Variants in NSL1 observed in about 807,000 individuals in gnomAD.
The protein encoded by NSL1 is kinetochore-associated protein NSL1 homolog.
Under a neutral mutation model 25.4 loss-of-function variants are expected in NSL1, and 11 were observed. That is an observed-to-expected ratio of 0.43 (90% CI 0.27 to 0.72). NSL1 has a LOEUF of 0.72. NSL1 is among the 30% of genes least tolerant of loss of function. NSL1 has a pLI of 0.19. For missense variants in NSL1, 330 were observed against 342.7 expected (o/e 0.96, Z 0.29); for synonymous variants, 118 against 120.6 (o/e 0.98, Z 0.14).
Position 212,727,266 on chromosome 1 carries a change from CAG to C in NSL1, c.*11140_*11141del. 2.2e-6 allele frequency: 3 copies of C among 1,368,972 alleles called. No individual in the cohort carries two copies. The South Asian group carries it at 5.5e-5, about 25-fold the overall frequency. The allele number at this position is 1,368,972 out of a possible 1,614,324, so 84.8% of individuals were successfully genotyped here. A position where few individuals can be genotyped will look rare whatever the true frequency, so the allele number is the denominator to read the frequency against. ...GGCTTTCAAGACTTGCCTTGAGACT[CAG>C]AGCTGTTTCACAACCCTTTGTTCCA... is the stretch of plus-strand genomic sequence containing the variant. On this transcript the variant is annotated 3_prime_UTR_variant, in exon 6 of 6. Transcript: ENST00000366977.
intron 4 of NSL1, among the ~76,000 whole-genome samples, chr1:212,775,472 A>C (rs1274282318): frequency 6.6e-6 from 1 of 152,190 alleles, no homozygotes; most frequent in Non-Finnish European, 1.5e-5. Context: ...AGTATAATGA[A>C]TGAGAGTAAA....
At position 212,736,761 on chromosome 1, in the gene NSL1, T is replaced by C. The variant is rs1258129682; in HGVS notation, c.*1647A>G. 2.0e-6 allele frequency: 2 copies of C among 984,660 alleles called. No homozygotes were observed. Among genetic ancestry groups the C allele is most frequent in the Non-Finnish European group, 2.4e-6 (2 of 829,230 alleles). The allele number at this position is 984,660 out of a possible 1,614,324, so 61.0% of individuals were successfully genotyped here. A position where few individuals can be genotyped will look rare whatever the true frequency, so the allele number is the denominator to read the frequency against. On this transcript the variant is annotated 3_prime_UTR_variant, in exon 6 of 6. Coordinates refer to ENST00000366977, the MANE Select transcript of NSL1 (RefSeq NM_015471.4). ...TATAGTCATTACACAGATTCAACAT[T>C]AACAGGATTTTTGTCACATTTCCTT... is the stretch of plus-strand genomic sequence containing the variant.
intron 4 of NSL1, among the ~76,000 whole-genome samples, chr1:212,771,611 CAAAAAAAA>C (rs57899487): frequency 1.6e-5 from 1 of 63,908 alleles, no homozygotes; most frequent in Non-Finnish European, 3.4e-5. Context: ...AAGACTCCAC[CAAAAAAAA>C]AAAAAAAAAA....
rs753879023 is a variant in NSL1 at position 212,738,411 on chromosome 1, T to C, written c.843A>G (p.Thr281=). The change falls in exon 6 of 6, where the codon ACA becomes ACG. Residue 281 remains threonine (T), a synonymous_variant. Transcript: ENST00000366977. ...PLRPKKINLD[T] ...TCCCAAAATAAACAGAAAGAGCTCA[T>C]GTATCAAGATTAATTTTCTTTGGCC... 2 of 1,610,006 alleles carry C rather than the reference T, an allele frequency of 1.2e-6. No homozygotes were observed. Among genetic ancestry groups the C allele is most frequent in the Admixed American group, 1.7e-5 (1 of 59,270 alleles).
chr1:212,785,173 T>C (rs916227739), intron 2 of NSL1, among the ~76,000 whole-genome samples: 1 of 152,164 alleles, frequency 6.6e-6, no homozygotes, highest in Non-Finnish European at 1.5e-5. Context: ...GTGGAGTAAC[T>C]AGATCTGAAA....
intron 4 of NSL1, among the ~76,000 whole-genome samples, chr1:212,756,927 T>G (rs1402512884): frequency 2.0e-5 from 3 of 152,032 alleles, no homozygotes; most frequent in Non-Finnish European, 4.4e-5. Context: ...TAAGGAGAAA[T>G]TATATAATAT....
chr1:212,757,032 G>T (rs1558048599), intron 4 of NSL1, among the ~76,000 whole-genome samples: 1 of 152,224 alleles, frequency 6.6e-6, no homozygotes, highest in South Asian at 2.1e-4. Flanking sequence ...AGGTGTATCA[G>T]ATGAAGTGAC....
chr1:212,780,500 T>TAA (rs1285748863), intron 4 of NSL1, among the ~76,000 whole-genome samples: 35 of 80,444 alleles, frequency 4.4e-4, no homozygotes, highest in African/African-American at 6.9e-4. Context: ...GAATGATCAA[T>TAA]AAAAAAAAAA....
intron 4 of NSL1, among the ~76,000 whole-genome samples, chr1:212,761,452 C>A (rs1659559365): frequency 6.6e-6 from 1 of 152,068 alleles, no homozygotes; most frequent in South Asian, 2.1e-4. Flanking sequence ...CCAGCCTTAG[C>A]AACACGGCAA....
At chr1:212,747,191 T>C (rs1207894840) in intron 4 of NSL1, among the ~76,000 whole-genome samples, 2 of 151,760 alleles carry the variant, frequency 1.3e-5, no homozygotes, top group Non-Finnish European at 1.5e-5. Context: ...TCATGCCTCC[T>C]TGTGCAGTCC....
At chr1:212,766,254 G>T in intron 4 of NSL1, 1 of 642,470 alleles carries the variant, frequency 1.6e-6, no homozygotes, top group Non-Finnish European at 2.8e-6. Flanking sequence ...GGGAAAAGTT[G>T]AAAGCATTCC....
chr1:212,738,507 C>G lies in NSL1; in HGVS notation c.747G>C (p.Arg249Ser), dbSNP rs539757862. 11 of 1,613,970 alleles carry G rather than the reference C, an allele frequency of 6.8e-6. No homozygotes were observed. Among genetic ancestry groups the G allele is most frequent in the Admixed American group, 1.7e-5 (1 of 59,994 alleles). The stretch of plus-strand genomic sequence containing the variant: ...TTTTCAGTACCATGTCAGAGGTTTT[C>G]CTGGAAGCAGTCTCTGTTGGTGTGG... Reference protein sequence around the residue: ...IETTPTETASRKTSDMVLKRK... With the variant: ...IETTPTETASSKTSDMVLKRK... Residue 249 changes from arginine (R) to serine (S), a missense_variant, in exon 6 of 6, where the codon AGG becomes AGC. By Grantham distance (110) the Arg-to-Ser change is moderately radical (BLOSUM62 -1). Coordinates refer to ENST00000366977, the MANE Select transcript of NSL1 (RefSeq NM_015471.4).
At chr1:212,784,331 T>C in intron 3 of NSL1, 32 bp downstream of exon 3, 2 of 1,455,970 alleles carry the variant, frequency 1.4e-6, no homozygotes, top group Non-Finnish European at 1.9e-6. Flanking sequence ...TGGTAAAATA[T>C]ACTATAACAT....
intron 2 of NSL1, among the ~76,000 whole-genome samples, chr1:212,786,145 C>G (rs893893403): frequency 6.6e-6 from 1 of 151,274 alleles, no homozygotes; most frequent in East Asian, 1.9e-4. Flanking sequence ...GAGAGAGAGA[C>G]ACACACAGAT....
At chr1:212,765,023 A>G (rs911603717) in intron 4 of NSL1, among the ~76,000 whole-genome samples, 2 of 152,152 alleles carry the variant, frequency 1.3e-5, no homozygotes, top group Non-Finnish European at 2.9e-5. Context: ...TAACCCTTCT[A>G]GATTAAATCA....
chr1:212,769,965 G>A (rs1001161893), intron 4 of NSL1, among the ~76,000 whole-genome samples: 6 of 152,024 alleles, frequency 3.9e-5, no homozygotes, highest in East Asian at 1.9e-4. Flanking sequence ...CACTTCACTT[G>A]TAAAAACACA....
chr1:212,754,382 C>T (rs1302338498), intron 4 of NSL1, among the ~76,000 whole-genome samples: 1 of 152,044 alleles, frequency 6.6e-6, no homozygotes, highest in Non-Finnish European at 1.5e-5. Flanking sequence ...AAAAGGTGTT[C>T]GAAGTGCTCC....
intron 1 of NSL1, among the ~76,000 whole-genome samples, chr1:212,791,103 A>T (rs1661225134): frequency 1.3e-5 from 2 of 151,986 alleles, no homozygotes; most frequent in East Asian, 1.9e-4. Context: ...GAGCGCTTAA[A>T]TGTAACTAGT....
At chr1:212,764,711 T>C (rs892224539) in intron 4 of NSL1, among the ~76,000 whole-genome samples, 1 of 151,388 alleles carries the variant, frequency 6.6e-6, no homozygotes, top group African/African-American at 2.4e-5. Context: ...CCAGGCATGG[T>C]GGCAGGCGCC....
Sources: allele counts gnomAD v4.1 joint callset (sites outside exome capture counted in the v4.1 genomes callset), GRCh38; gene constraint gnomAD v4.1.1; transcripts MANE v1.5; gene names NCBI Gene and HGNC (gene_info 2026-07-23, HGNC 2026-07-21).